Variants in NEBL observed in about 807,000 individuals in gnomAD.
NEBL encodes the protein nebulette, also known as LIM and SH3 protein 2.
A neutral mutation model predicts 140.2 loss-of-function variants in NEBL; 122 were observed. The observed-to-expected ratio is 0.87, with a 90% CI of 0.75 to 1.01. The LOEUF (loss-of-function observed/expected upper bound fraction) is 1.01. Among genes scored for constraint, NEBL ranks in the 50% least tolerant of loss-of-function variants. NEBL has a pLI of 0.00. For synonymous variants in NEBL, 436 were observed against 398.9 expected (o/e 1.09, Z -1.11); for missense variants, 1,365 against 1,231.3 (o/e 1.11, Z -1.62).
intron 2 of NEBL, chr10:21,030,667 G>A: frequency 2.0e-6 from 1 of 503,558 alleles, no homozygotes; most frequent in Non-Finnish European, 3.9e-6. Flanking sequence ...TGTGGTGAAT[G>A]TCCCAAAAGA....
chr10:21,030,252 C>T, intron 2 of NEBL: 1 of 576,856 alleles, frequency 1.7e-6, no homozygotes, highest in South Asian at 1.7e-5. Flanking sequence ...ACCCAGGAAC[C>T]GGAGAGGCAC....
intron 3 of NEBL, among the ~76,000 whole-genome samples, chr10:21,232,831 A>C (rs1277646755): frequency 1.3e-5 from 2 of 152,232 alleles, no homozygotes; most frequent in Non-Finnish European, 2.9e-5. Context: ...TCTACAGAAA[A>C]CTAGACCACA....
At chr10:20,855,574 C>A (rs1842986493) in intron 9 of NEBL, among the ~76,000 whole-genome samples, 1 of 150,982 alleles carries the variant, frequency 6.6e-6, no homozygotes. Flanking sequence ...TGCAAAAGAA[C>A]TTCGAATGCG....
rs905827774 is a variant in NEBL, at chr10:21,214,989, G to T, written n.348+32932C>A. 3.9e-5 allele frequency among the ~76,000 whole-genome samples: 6 copies of T among 152,240 alleles called. No individual in the cohort carries two copies. In the East Asian group the frequency reaches 9.7e-4, roughly 25 times the overall value. On this transcript the variant is annotated intron_variant and non_coding_transcript_variant, in intron 3 of 8. Coordinates refer to the NEBL transcript ENST00000675702. ...AGCAATAAACTGTGAAGCCCTCCCTGTGCCACCTGCCTCACCCCACCCTGA... is the reference window on the plus strand; with the variant it reads ...AGCAATAAACTGTGAAGCCCTCCCTTTGCCACCTGCCTCACCCCACCCTGA...
intron 3 of NEBL, among the ~76,000 whole-genome samples, chr10:20,990,129 CTA>C (rs1323167829): frequency 6.6e-6 from 1 of 151,956 alleles, no homozygotes; most frequent in East Asian, 1.9e-4. Flanking sequence ...ATTTTGATAA[CTA>C]TATTTTAATA....
At chr10:21,149,307 T>G (rs1167737141) in intron 2 of NEBL, among the ~76,000 whole-genome samples, 3 of 147,972 alleles carry the variant, frequency 2.0e-5, no homozygotes, top group Non-Finnish European at 3.0e-5. Flanking sequence ...TTTTTTCTTT[T>G]TGAGACAGAG....
chr10:20,966,994 C>T (rs1836343013), intron 3 of NEBL, among the ~76,000 whole-genome samples: 1 of 151,892 alleles, frequency 6.6e-6, no homozygotes, highest in African/African-American at 2.4e-5. Flanking sequence ...ATACCATTCA[C>T]GTTAAAGGAG....
Position 20,814,052 on chromosome 10 carries a change from T to C in NEBL, c.2242-9A>G, listed in dbSNP as rs545364259. On this transcript the variant is annotated splice_polypyrimidine_tract_variant and intron_variant, in intron 22 of 27. Transcript: ENST00000377122. ...TCCTGGGTATATTTTACCTGCAAAGTAAATAGTAGGCATAAGACAATGATA... is the reference window on the plus strand; with the variant it reads ...TCCTGGGTATATTTTACCTGCAAAGCAAATAGTAGGCATAAGACAATGATA... 6.7e-7 allele frequency: 1 copy of C among 1,502,540 alleles called. No homozygotes were observed. The highest frequency in any genetic ancestry group is 1.1e-5 in the South Asian group (1 of 88,742). The allele number at this position is 1,502,540 out of a possible 1,614,324, so 93.1% of individuals were successfully genotyped here. A position where few individuals can be genotyped will look rare whatever the true frequency, so the allele number is the denominator to read the frequency against.
chr10:20,980,450 A>G (rs2131662291), intron 3 of NEBL, among the ~76,000 whole-genome samples: 1 of 152,312 alleles, frequency 6.6e-6, no homozygotes, highest in African/African-American at 2.4e-5. Flanking sequence ...AAAAGTAGAG[A>G]AGAAAGAAAA....
chr10:20,998,076 A>G (rs1674985193), intron 3 of NEBL, among the ~76,000 whole-genome samples: 3 of 152,220 alleles, frequency 2.0e-5, no homozygotes, highest in Admixed American at 6.5e-5. Context: ...AATTTCACCT[A>G]ATGAAGAGAT....
intron 4 of NEBL, among the ~76,000 whole-genome samples, chr10:20,886,596 A>G (rs749786762): frequency 6.6e-6 from 1 of 152,110 alleles, no homozygotes; most frequent in Non-Finnish European, 1.5e-5. Context: ...TAGAAATGGT[A>G]GGAAAAATAT....
At chr10:21,093,813 T>C (rs766775091) in intron 2 of NEBL, among the ~76,000 whole-genome samples, 4 of 152,230 alleles carry the variant, frequency 2.6e-5, no homozygotes, top group Admixed American at 6.5e-5. Flanking sequence ...AAATCTTTTA[T>C]AAAAATGTCC....
intron 3 of NEBL, among the ~76,000 whole-genome samples, chr10:21,242,404 G>A (rs926575919): frequency 2.6e-5 from 4 of 152,042 alleles, no homozygotes; most frequent in Admixed American, 6.6e-5. Flanking sequence ...CACGTATAAC[G>A]GGAGCTAAAC....
chr10:21,172,533 A>T (rs1019855218), intron 1 of NEBL: 50 of 1,366,344 alleles, frequency 3.7e-5, no homozygotes, highest in Middle Eastern at 1.8e-4. Flanking sequence ...TCTCACCAGG[A>T]TGGGCACAGA....
At chr10:20,971,911 C>A (rs1287735799) in intron 3 of NEBL, among the ~76,000 whole-genome samples, 3 of 152,058 alleles carry the variant, frequency 2.0e-5, no homozygotes, top group African/African-American at 7.3e-5. Context: ...CCACGCCCAG[C>A]CATAGAATAG....
intron 4 of NEBL, among the ~76,000 whole-genome samples, chr10:20,957,286 T>A (rs1260811811): frequency 6.6e-6 from 1 of 152,184 alleles, no homozygotes; most frequent in Non-Finnish European, 1.5e-5. Flanking sequence ...TTTTACATTC[T>A]AAGAAGTCAG....
At chr10:20,850,718 CAACT>C (rs1842425024) in intron 10 of NEBL, among the ~76,000 whole-genome samples, 1 of 152,098 alleles carries the variant, frequency 6.6e-6, no homozygotes, top group Non-Finnish European at 1.5e-5. Context: ...TAATTTAGAA[CAACT>C]AACTAATGTA....
intron 3 of NEBL, among the ~76,000 whole-genome samples, chr10:20,963,449 G>A (rs1378786074): frequency 1.3e-5 from 2 of 152,112 alleles, no homozygotes; most frequent in Non-Finnish European, 2.9e-5. Context: ...CTCAGAGAAG[G>A]CACAATCACA....
At chr10:21,052,330 G>C (rs1407701318) in intron 2 of NEBL, among the ~76,000 whole-genome samples, 3 of 152,216 alleles carry the variant, frequency 2.0e-5, no homozygotes, top group Non-Finnish European at 4.4e-5. Flanking sequence ...CACAGGTCAA[G>C]TCTGCATTTT....
Sources: gnomAD v4.1 joint callset for allele counts (sites outside exome capture counted in the v4.1 genomes callset) on GRCh38, gnomAD v4.1.1 for gene constraint, MANE v1.5 for transcripts, NCBI Gene and HGNC (gene_info 2026-07-23, HGNC 2026-07-21) for gene names.